Variants in TNR observed in about 807,000 individuals in gnomAD.
TNR encodes tenascin R, also known as tenascin-R.
A neutral mutation model predicts 150.4 loss-of-function variants in TNR; 45 were observed. The observed-to-expected ratio is 0.30, with a 90% CI of 0.24 to 0.38. The LOEUF is 0.38. Among genes scored for constraint, TNR ranks in the 10% least tolerant of loss-of-function variants. The probability of loss-of-function intolerance (pLI) is 1.00; values close to 1 mark genes in which losing one functional copy is unlikely to be tolerated. For synonymous variants in TNR, 687 were observed against 678.4 expected (o/e 1.01, Z -0.20); for missense variants, 1,544 against 1,759.1 (o/e 0.88, Z 2.19).
chr1:175,664,786 A>G (rs1665484321), intron 1 of TNR, among the ~76,000 whole-genome samples: 1 of 152,252 alleles, frequency 6.6e-6, no homozygotes, highest in African/African-American at 2.4e-5. Flanking sequence ...AAATGTGATC[A>G]GCACAGACTG....
chr1:175,596,963 G>C (rs934796730), intron 1 of TNR, among the ~76,000 whole-genome samples: 4 of 152,134 alleles, frequency 2.6e-5, no homozygotes, highest in Non-Finnish European at 5.9e-5. Flanking sequence ...AGCTGGAAAA[G>C]GGGTGCATAT....
At chr1:175,345,163 G>T (rs72723415) in intron 18 of TNR, among the ~76,000 whole-genome samples, 1 of 151,990 alleles carries the variant, frequency 6.6e-6, no homozygotes, top group Non-Finnish European at 1.5e-5. Flanking sequence ...AAACCAAACA[G>T]CACCAAAAAA....
At chr1:175,587,413 T>G (rs923433686) in intron 1 of TNR, among the ~76,000 whole-genome samples, 1 of 152,222 alleles carries the variant, frequency 6.6e-6, no homozygotes, top group African/African-American at 2.4e-5. Context: ...CAGTTTTCTC[T>G]TTTATAAAAC....
chr1:175,351,153 C>T (rs531107852), intron 18 of TNR, among the ~76,000 whole-genome samples: 1 of 152,320 alleles, frequency 6.6e-6, no homozygotes, highest in South Asian at 2.1e-4. Flanking sequence ...GCACTCCAGT[C>T]TTGCATATAA....
At chr1:175,571,448 C>T (rs1346918211) in intron 1 of TNR, among the ~76,000 whole-genome samples, 2 of 152,152 alleles carry the variant, frequency 1.3e-5, no homozygotes, top group African/African-American at 2.4e-5. Flanking sequence ...ATGAGGAAGC[C>T]TCAGCTTAGA....
At chr1:175,522,043 A>C (rs189334516) in intron 2 of TNR, among the ~76,000 whole-genome samples, 10 of 152,348 alleles carry the variant, frequency 6.6e-5, no homozygotes, top group Admixed American at 6.5e-4. Flanking sequence ...AGACTTGCTT[A>C]ACTATGCCTT....
intron 1 of TNR, among the ~76,000 whole-genome samples, chr1:175,576,066 G>A (rs1294116658): frequency 6.6e-6 from 1 of 152,208 alleles, no homozygotes; most frequent in Non-Finnish European, 1.5e-5. Context: ...CGTCACCAGA[G>A]CAAATAAAGT....
At position 175,323,534 on chromosome 1, in the gene TNR, C is replaced by A; in HGVS notation, c.3958-58G>T. The A allele has an allele frequency of 1.9e-6, 3 of 1,577,614 alleles. No homozygotes were observed. The South Asian group carries it at 3.5e-5, about 18-fold the overall frequency. ...TCCCCCACCATGGAACGCCCCACTT[C>A]AAAAAAGGGGTAATTATGGGAACAG... is the stretch of plus-strand genomic sequence containing the variant. On this transcript the variant is annotated intron_variant, in intron 22 of 22. Transcript: ENST00000367674.
Position 175,363,613 on chromosome 1 carries a change from C to G in TNR, c.2707+95G>C. On this transcript the variant is annotated intron_variant, in intron 13 of 22. Transcript: ENST00000367674. ...AGCATGCCACAGAGAAGAGGAAAAA[C>G]GCAGGCAGGAGTGGATGTTCTGCGG... 3 of 1,483,322 alleles carry G rather than the reference C, an allele frequency of 2.0e-6. No homozygotes were observed. In the South Asian group the frequency reaches 4.1e-5, roughly 20 times the overall value. 91.9% of individuals were successfully genotyped at this position (1,483,322 alleles called of 1,614,324 possible). A position where few individuals can be genotyped will look rare whatever the true frequency, so the allele number is the denominator to read the frequency against.
intron 1 of TNR, among the ~76,000 whole-genome samples, chr1:175,533,838 A>G (rs1041069202): frequency 1.6e-4 from 25 of 152,188 alleles, no homozygotes; most frequent in African/African-American, 5.1e-4. Flanking sequence ...TTTGTTGGTG[A>G]TCTTTAACTA....
chr1:175,641,884 T>A (rs1250296960), intron 1 of TNR, among the ~76,000 whole-genome samples: 3 of 152,088 alleles, frequency 2.0e-5, no homozygotes, highest in Non-Finnish European at 2.9e-5. Flanking sequence ...AGGAAGAAAA[T>A]GTAATTTTCA....
At chr1:175,540,230 C>T (rs1401002429) in intron 1 of TNR, among the ~76,000 whole-genome samples, 1 of 152,192 alleles carries the variant, frequency 6.6e-6, no homozygotes, top group Non-Finnish European at 1.5e-5. Flanking sequence ...CTCCATGTGA[C>T]CCTGCATTCA....
chr1:175,718,443 G>A lies in TNR; in HGVS notation c.-165+24783C>T, dbSNP rs529873937. Among the ~76,000 whole-genome samples, 85 of 152,342 alleles carry A rather than the reference G, an allele frequency of 5.6e-4. 1 individual carries two copies. In the South Asian group the frequency reaches 0.017, roughly 30 times the overall value. On this transcript the variant is annotated intron_variant, in intron 1 of 22. Transcript: ENST00000367674. The stretch of plus-strand genomic sequence containing the variant: ...ATTCATCCCCTGAAACCCCAGAGAG[G>A]AGCTGGAGACCTGGGTAGGGGAAGG...
chr1:175,692,125 T>C (rs1666385328), intron 1 of TNR, among the ~76,000 whole-genome samples: 1 of 152,202 alleles, frequency 6.6e-6, no homozygotes, highest in African/African-American at 2.4e-5. Flanking sequence ...GCAAAATGTA[T>C]CCGTGGGTGT....
At chr1:175,553,583 T>C (rs1661027772) in intron 1 of TNR, among the ~76,000 whole-genome samples, 1 of 152,206 alleles carries the variant, frequency 6.6e-6, no homozygotes, top group South Asian at 2.1e-4. Context: ...ACTTCTTCCC[T>C]TGTTTCTAAT....
chr1:175,517,692 G>A lies in TNR; in HGVS notation c.-64+10577C>T, dbSNP rs142026109. Among the ~76,000 whole-genome samples, 25 of 152,260 alleles carry A rather than the reference G, an allele frequency of 1.6e-4. 1 individual carries two copies. Among genetic ancestry groups the A allele is most frequent in the African/African-American group, 5.8e-4 (24 of 41,560 alleles). ...GGTTTTAGTATAGTTAGTCAAAAAG[G>A]TAGCATTTAGGTCCCAGAGGCAGAG... On this transcript the variant is annotated intron_variant, in intron 2 of 22. Transcript: ENST00000367674.
chr1:175,563,751 C>T (rs1016830340), intron 1 of TNR, among the ~76,000 whole-genome samples: 4 of 152,220 alleles, frequency 2.6e-5, no homozygotes, highest in Non-Finnish European at 4.4e-5. Flanking sequence ...ATGAGAAAGA[C>T]GAGCTGTGAG....
intron 1 of TNR, among the ~76,000 whole-genome samples, chr1:175,720,781 G>T (rs776622345): frequency 6.6e-6 from 1 of 152,224 alleles, no homozygotes; most frequent in Non-Finnish European, 1.5e-5. Context: ...CCTCAATCCA[G>T]AGGAAGCAGA....
chr1:175,622,212 A>G (rs1470735909), intron 1 of TNR, among the ~76,000 whole-genome samples: 1 of 152,240 alleles, frequency 6.6e-6, no homozygotes, highest in Non-Finnish European at 1.5e-5. Context: ...TGAATCTGGA[A>G]GGAGCACTGT....
Sources: gnomAD v4.1 joint callset for allele counts (sites outside exome capture counted in the v4.1 genomes callset) on GRCh38, gnomAD v4.1.1 for gene constraint, MANE v1.5 for transcripts, NCBI Gene and HGNC (gene_info 2026-07-23, HGNC 2026-07-21) for gene names.